The following VIRMA variants were observed in gnomAD, a reference collection of about 807,000 sequenced individuals.
VIRMA encodes the protein vir like m6A methyltransferase associated.
A neutral mutation model predicts 182.4 loss-of-function variants in VIRMA; 65 were observed. That is an observed-to-expected ratio of 0.36 (90% CI 0.29 to 0.44). VIRMA has a LOEUF of 0.44. VIRMA is among the 20% of genes least tolerant of loss of function. The pLI is 1.00. For synonymous variants in VIRMA, 709 were observed against 743.1 expected, an observed-to-expected ratio of 0.95 and a Z score of 0.75; for missense variants, 1,752 against 2,158.1, an observed-to-expected ratio of 0.81 and a Z score of 3.73.
At chr8:94,537,453 T>G (rs1013372955) in intron 3 of VIRMA, among the ~76,000 whole-genome samples, 1 of 152,114 alleles carries the variant, frequency 6.6e-6, no homozygotes, top group Non-Finnish European at 1.5e-5. Context: ...CATACAAAAA[T>G]GTAGACTACA....
At chr8:94,494,591 CAAAAAAAAAA>C (rs1175058697) in intron 20 of VIRMA, among the ~76,000 whole-genome samples, 45 of 42,926 alleles carry the variant, frequency 1.0e-3, no homozygotes, top group African/African-American at 3.6e-3. Context: ...GACTCTGTCT[CAAAAAAAAAA>C]AAAAAAAAAA....
intron 1 of VIRMA, among the ~76,000 whole-genome samples, chr8:94,551,660 G>C (rs1815991515): frequency 6.6e-6 from 1 of 152,142 alleles, no homozygotes; most frequent in Admixed American, 6.6e-5. Flanking sequence ...ACTAATGAAG[G>C]CCAATTTTCC....
rs1814371033 is a variant in VIRMA, at chr8:94,511,459, G to A, written c.3116C>T (p.Thr1039Ile). ...KDMRVPSALVTLHMLLCSIPL... is the reference protein window; with the variant it reads ...KDMRVPSALVILHMLLCSIPL... ...GATAGAGCACAGGAGCATATGTAAA[G>A]TAACAAGCGCTGAAGGAACACGCAT... The change falls in exon 13 of 24, where the codon ACT (threonine) becomes ATT (isoleucine). Residue 1039 changes from threonine to isoleucine, a missense_variant. Around this residue, in one of 11 missense-constraint regions of VIRMA, gnomAD observed 777 missense variants for 920.6 expected, o/e 0.84. Transcript: ENST00000297591. 3 of 1,614,138 alleles carry A rather than the reference G, an allele frequency of 1.9e-6. No individual in the cohort carries two copies. The highest frequency in any genetic ancestry group is 2.5e-6 in the Non-Finnish European group (3 of 1,180,010).
At chr8:94,548,166 CTT>C (rs1304959970) in intron 1 of VIRMA, among the ~76,000 whole-genome samples, 1 of 150,180 alleles carries the variant, frequency 6.7e-6, no homozygotes, top group African/African-American at 2.5e-5. Context: ...ACCACATACT[CTT>C]TTGTACCTTT....
intron 2 of VIRMA, among the ~76,000 whole-genome samples, chr8:94,542,824 T>C (rs1815606901): frequency 1.3e-5 from 2 of 152,222 alleles, no homozygotes; most frequent in South Asian, 2.1e-4. Flanking sequence ...TTTCTACAAA[T>C]AATGAACTAT....
At chr8:94,541,111 AATT>A (rs1430065616) in intron 2 of VIRMA, among the ~76,000 whole-genome samples, 1 of 151,414 alleles carries the variant, frequency 6.6e-6, no homozygotes, top group Non-Finnish European at 1.5e-5. Context: ...GAGGAATTAT[AATT>A]ATTATTGTTA....
intron 15 of VIRMA, among the ~76,000 whole-genome samples, chr8:94,507,999 G>GTA (rs1006508227): frequency 9.4e-5 from 14 of 149,304 alleles, no homozygotes; most frequent in South Asian, 2.1e-4. Context: ...ATATATATAA[G>GTA]TATATATATA....
At chr8:94,507,986 TGTATATATATAA>T (rs1317117754) in intron 15 of VIRMA, among the ~76,000 whole-genome samples, 1 of 149,888 alleles carries the variant, frequency 6.7e-6, no homozygotes, top group Admixed American at 6.7e-5. Flanking sequence ...TGTATATATG[TGTATATATATAA>T]GTATATATAT....
intron 17 of VIRMA, 31 bp from the exon 18 acceptor site, chr8:94,496,511 G>A (rs1236892062): frequency 1.9e-6 from 3 of 1,579,514 alleles, no homozygotes; most frequent in African/African-American, 1.4e-5. Context: ...TTAAATTTGA[G>A]AACAGAGAAA....
intron 8 of VIRMA, among the ~76,000 whole-genome samples, chr8:94,521,960 G>GGAACTTA (rs144310338): frequency 0.01 from 1,524 of 152,200 alleles, 25 homozygotes; most frequent in African/African-American, 0.035. Context: ...CTAACTTCTG[G>GGAACTTA]GAACTTAGAT....
intron 10 of VIRMA, among the ~76,000 whole-genome samples, chr8:94,516,304 T>C (rs1814559855): frequency 6.6e-6 from 1 of 152,154 alleles, no homozygotes; most frequent in Admixed American, 6.5e-5. Flanking sequence ...TTTAATTCTG[T>C]CAACTTCCAA....
At chr8:94,514,231 C>G (rs898848540) in intron 11 of VIRMA, among the ~76,000 whole-genome samples, 2 of 152,218 alleles carry the variant, frequency 1.3e-5, no homozygotes, top group Admixed American at 6.5e-5. Flanking sequence ...ATGAGTGCTT[C>G]TAACCTTCTT....
intron 5 of VIRMA, chr8:94,534,540 T>C (rs1338859021): frequency 2.1e-6 from 1 of 469,038 alleles, no homozygotes; most frequent in Non-Finnish European, 3.8e-6. Context: ...CGAGGTGTGC[T>C]TGCTCACTCT....
intron 10 of VIRMA, among the ~76,000 whole-genome samples, chr8:94,517,235 C>T (rs1814590212): frequency 6.6e-6 from 1 of 152,160 alleles, no homozygotes; most frequent in Non-Finnish European, 1.5e-5. Context: ...TGGAGTCTTG[C>T]TCTGTTGCCC....
rs1490505866 is a variant in VIRMA, at chr8:94,509,923, T to C, written c.3644A>G (p.Glu1215Gly). 1 of 1,608,882 alleles carries C rather than the reference T, an allele frequency of 6.2e-7. No homozygotes were observed. The highest frequency in any genetic ancestry group is 8.5e-7 in the Non-Finnish European group (1 of 1,178,476). ...GGTGGTTTGGCTAGTATACTGTTTT[T>C]CTTTATCTTCTGAAGTGCTGAAATA... ...EDLQSTSEDKEKQYTSQTTRL... is the reference protein window; with the variant it reads ...EDLQSTSEDKGKQYTSQTTRL... Residue 1215 changes from glutamate to glycine, a missense_variant, in exon 15 of 24, where the codon GAA becomes GGA. Transcript: ENST00000297591.
At chr8:94,490,381 G>T (rs2130250973) in intron 22 of VIRMA, among the ~76,000 whole-genome samples, 1 of 152,266 alleles carries the variant, frequency 6.6e-6, no homozygotes, top group Non-Finnish European at 1.5e-5. Context: ...TTGACATGAG[G>T]TTATAATATG....
At chr8:94,543,796 A>G (rs1481072736) in intron 2 of VIRMA, 31 bp downstream of exon 2, 2 of 1,252,268 alleles carry the variant, frequency 1.6e-6, no homozygotes, top group African/African-American at 3.0e-5. Flanking sequence ...TCTTTAACCA[A>G]AAAATACTTT....
At chr8:94,520,185 CAA>C (rs757063695) in intron 8 of VIRMA, among the ~76,000 whole-genome samples, 2,471 of 82,920 alleles carry the variant, frequency 0.03, 76 homozygotes, top group Admixed American at 0.13. Flanking sequence ...GACCCTGCAT[CAA>C]AAAAAAAAAA....
chr8:94,541,846 C>G (rs1014575216), intron 2 of VIRMA, among the ~76,000 whole-genome samples: 1 of 140,190 alleles, frequency 7.1e-6, no homozygotes, highest in Middle Eastern at 3.4e-3. Flanking sequence ...CTGGCCCTCA[C>G]TCTTACATTT....
Sources: allele counts gnomAD v4.1 joint callset (sites outside exome capture counted in the v4.1 genomes callset), GRCh38; gene constraint gnomAD v4.1.1; regional missense constraint gnomAD v4.1.1; transcripts MANE v1.5; gene names NCBI Gene and HGNC (gene_info 2026-07-23, HGNC 2026-07-21).